COL5A2: variants seen among roughly 807,000 people sequenced by gnomAD.
COL5A2 encodes collagen type V alpha 2 chain, also known as collagen alpha-2(V) chain.
COL5A2 carries 23 observed loss-of-function variants against 208.2 expected under a neutral mutation model. The ratio of observed to expected loss-of-function variants is 0.11; its 90% CI spans 0.08 to 0.16. The LOEUF (loss-of-function observed/expected upper bound fraction) is 0.16, where lower values mean the gene tolerates loss of function less well. Ranked by LOEUF, COL5A2 falls within the 10% of genes least tolerant of loss-of-function variation. The probability of loss-of-function intolerance (pLI) is 1.00; values close to 1 mark genes in which losing one functional copy is unlikely to be tolerated. For synonymous variants in COL5A2, 625 were observed against 628.5 expected (o/e 0.99, Z 0.08); for missense variants, 1,590 against 1,956.4 (o/e 0.81, Z 3.53).
At chr2:189,264,881 C>T in the COL5A2 span, among the ~76,000 whole-genome samples, 3 of 152,094 alleles carry the variant, frequency 2.0e-5, no homozygotes, top group South Asian at 2.1e-4. Flanking sequence ...TAAATTACTG[C>T]ACAAGCTGAA....
At chr2:189,099,387 G>C (rs1235887000) in intron 4 of COL5A2, among the ~76,000 whole-genome samples, 1 of 152,104 alleles carries the variant, frequency 6.6e-6, no homozygotes, top group Non-Finnish European at 1.5e-5. Context: ...AGGAGAATGA[G>C]GCCAAGGTGG....
chr2:189,432,113 G>C, the COL5A2 span, among the ~76,000 whole-genome samples: 1 of 152,182 alleles, frequency 6.6e-6, no homozygotes, highest in Non-Finnish European at 1.5e-5. Flanking sequence ...CATAAGTGAA[G>C]GAGAAATGAA....
chr2:189,085,354 GA>G, intron 10 of COL5A2, 141 bp from the exon 11 acceptor site: 1 of 854,962 alleles, frequency 1.2e-6, no homozygotes, highest in Non-Finnish European at 1.9e-6. Flanking sequence ...TTGAGACAGA[GA>G]AAATAGTTTT....
chr2:189,129,910 T>C (rs916551925), intron 1 of COL5A2, among the ~76,000 whole-genome samples: 4 of 152,088 alleles, frequency 2.6e-5, no homozygotes, highest in Non-Finnish European at 5.9e-5. Context: ...TATATGAGCA[T>C]ATGTGACCTT....
Position 189,063,274 on chromosome 2 carries a change from T to C in COL5A2, c.1771-4A>G, listed in dbSNP as rs774199529. ...GGCCATCTTCCCCTGGCGCACCCTA[T>C]AGAATTGACAGGAGCCATGTAAGTT... On this transcript the variant is annotated splice_region_variant and splice_polypyrimidine_tract_variant and intron_variant, in intron 26 of 53. Coordinates refer to ENST00000374866, the MANE Select transcript of COL5A2 (RefSeq NM_000393.5). 3 of 1,612,108 alleles carry C rather than the reference T, an allele frequency of 1.9e-6. No individual in the cohort carries two copies. In the South Asian group the frequency reaches 3.3e-5, roughly 18 times the overall value.
At chr2:189,332,397 T>A in the COL5A2 span, among the ~76,000 whole-genome samples, 1 of 152,178 alleles carries the variant, frequency 6.6e-6, no homozygotes, top group African/African-American at 2.4e-5. Flanking sequence ...GGGCCATAAA[T>A]CAAGTCCCCG....
chr2:189,286,203 C>T, the COL5A2 span, among the ~76,000 whole-genome samples: 113 of 152,232 alleles, frequency 7.4e-4, no homozygotes, highest in East Asian at 0.021. Flanking sequence ...CTTTTAGTTG[C>T]ATCCTAACTG....
chr2:189,112,424 A>G (rs1464869257), intron 1 of COL5A2, among the ~76,000 whole-genome samples: 1 of 152,222 alleles, frequency 6.6e-6, no homozygotes, highest in East Asian at 1.9e-4. Context: ...TATTAATACA[A>G]AAATCTGCTT....
Position 189,033,498 on chromosome 2 carries a change from T to C in COL5A2, c.*572A>G, listed in dbSNP as rs1056437819. On this transcript the variant is annotated 3_prime_UTR_variant, in exon 54 of 54. Coordinates refer to ENST00000374866, the MANE Select transcript of COL5A2 (RefSeq NM_000393.5). The stretch of plus-strand genomic sequence containing the variant: ...AGAAACGTTTTTTTTTTTTTAAGAT[T>C]CTCCTTAAAGAGTCTCTATTATAGT... 1.3e-5 allele frequency: 2 copies of C among 152,712 alleles called. No individual in the cohort carries two copies. The highest frequency in any genetic ancestry group is 2.9e-5 in the Non-Finnish European group (2 of 68,274). 9.5% of individuals were successfully genotyped at this position (152,712 alleles called of 1,614,324 possible). A position where few individuals can be genotyped will look rare whatever the true frequency, so the allele number is the denominator to read the frequency against.
Position 189,067,957 on chromosome 2 carries a change from T to G in COL5A2, c.1401+58A>C, listed in dbSNP as rs1463878061. Reference sequence around the variant, plus strand: ...ATTGCATCACATGACATGTTATTACTCTTGGCCCTCGTAGTTAGATTACAC... The same window carrying G: ...ATTGCATCACATGACATGTTATTACGCTTGGCCCTCGTAGTTAGATTACAC... On this transcript the variant is annotated intron_variant, in intron 21 of 53. Coordinates refer to ENST00000374866, the MANE Select transcript of COL5A2 (RefSeq NM_000393.5). 4 of 1,346,014 alleles carry G rather than the reference T, an allele frequency of 3.0e-6. No homozygotes were observed. The East Asian group carries it at 9.2e-5, about 31-fold the overall frequency. The allele number at this position is 1,346,014 out of a possible 1,614,324, so 83.4% of individuals were successfully genotyped here. A position where few individuals can be genotyped will look rare whatever the true frequency, so the allele number is the denominator to read the frequency against.
chr2:189,261,401 A>G, the COL5A2 span, among the ~76,000 whole-genome samples: 2 of 152,212 alleles, frequency 1.3e-5, no homozygotes, highest in Non-Finnish European at 2.9e-5. Flanking sequence ...TTCTGGAAAG[A>G]CTGTTAGAAA....
Position 189,223,590 on chromosome 2 carries a change from G to A in COL5A2, c.-42+1558C>T, listed in dbSNP as rs77197901. On this transcript the variant is annotated intron_variant, in intron 1 of 10. Transcript: ENST00000649966. ...CGCCCACGTGTGTATCAACAACATC[G>A]TGGATAAATAAATTTGTGGTTATAG... Among the ~76,000 whole-genome samples, 23 of 152,230 alleles carry A rather than the reference G, an allele frequency of 1.5e-4. No homozygotes were observed. In the East Asian group the frequency reaches 3.5e-3, roughly 23 times the overall value.
intron 1 of COL5A2, among the ~76,000 whole-genome samples, chr2:189,153,456 AC>A (rs1688185068): frequency 1.3e-5 from 2 of 152,118 alleles, no homozygotes. Flanking sequence ...AATCTGCTTA[AC>A]CCCAGTCATG....
At chr2:189,226,810 T>C (rs911721766), upstream of COL5A2, among the ~76,000 whole-genome samples, 9 of 152,092 alleles carry the variant, frequency 5.9e-5, no homozygotes, top group Admixed American at 3.3e-4. Context: ...AAGGGGCTGG[T>C]TTCTTTCTTG....
the COL5A2 span, among the ~76,000 whole-genome samples, chr2:189,440,088 T>C: frequency 2.6e-5 from 4 of 152,212 alleles, no homozygotes; most frequent in Admixed American, 6.5e-5. Context: ...TATCTCCCTT[T>C]CTAGTTCTGG....
In COL5A2 at chr2:189,060,840, A is replaced by G. The variant is rs13416565; in HGVS notation, c.2032-57T>C. 7.8e-4 allele frequency: 982 copies of G among 1,256,488 alleles called. 4 individuals carry two copies. The African/African-American group carries it at 0.013, about 16-fold the overall frequency. The allele number at this position is 1,256,488 out of a possible 1,614,324, so 77.8% of individuals were successfully genotyped here. A position where few individuals can be genotyped will look rare whatever the true frequency, so the allele number is the denominator to read the frequency against. ...ATCTGTGTAAGTTTAACAGGCTACCAGTGTTAACAGTTTACCTTTTACAAT... is the reference window on the plus strand; with the variant it reads ...ATCTGTGTAAGTTTAACAGGCTACCGGTGTTAACAGTTTACCTTTTACAAT... On this transcript the variant is annotated intron_variant, in intron 30 of 53. Transcript: ENST00000374866.
chr2:189,208,497 G>A lies in COL5A2; in HGVS notation c.-42+16651C>T, dbSNP rs767596661. ...GGCAACAGATGCAAAACAATGGAGG[G>A]ATGAAATACTTCAGGAGAATGAAAC... On this transcript the variant is annotated intron_variant, in intron 1 of 10. Transcript: ENST00000649966. Among the ~76,000 whole-genome samples, 69 of 152,178 alleles carry A rather than the reference G, an allele frequency of 4.5e-4. 1 individual carries two copies. Among genetic ancestry groups the A allele is most frequent in the Non-Finnish European group, 1.5e-4 (10 of 68,026 alleles).
the COL5A2 span, among the ~76,000 whole-genome samples, chr2:189,302,254 T>C: frequency 6.6e-6 from 1 of 152,284 alleles, no homozygotes; most frequent in African/African-American, 2.4e-5. Context: ...CATCTCCCAA[T>C]ATTGTCCACT....
At chr2:189,187,708 C>T (rs773246096) in intron 1 of COL5A2, among the ~76,000 whole-genome samples, 6 of 152,110 alleles carry the variant, frequency 3.9e-5, no homozygotes, top group Admixed American at 1.3e-4. Context: ...CGGTGGCTCA[C>T]GCCTGTAATC....
Sources: allele counts gnomAD v4.1 joint callset (sites outside exome capture counted in the v4.1 genomes callset), GRCh38; gene constraint gnomAD v4.1.1; transcripts MANE v1.5; gene names NCBI Gene and HGNC (gene_info 2026-07-23, HGNC 2026-07-21).